Variants in ACO2 observed in about 807,000 individuals in gnomAD.
ACO2 encodes aconitate hydratase, mitochondrial.
Under a neutral mutation model 84.5 loss-of-function variants are expected in ACO2, and 31 were observed. The observed-to-expected ratio is 0.37, with a 90% CI of 0.28 to 0.50. ACO2 has a LOEUF of 0.50. Ranked by LOEUF, ACO2 falls within the 20% of genes least tolerant of loss-of-function variation. The pLI, the probability that ACO2 is intolerant of heterozygous loss-of-function variation, is 0.97. For synonymous variants in ACO2, 414 were observed against 412.7 expected (o/e 1.00, Z -0.04); for missense variants, 685 against 1,029.3 (o/e 0.67, Z 4.58).
chr22:41,475,764 G>A (rs1041059696), intron 1 of ACO2, among the ~76,000 whole-genome samples: 1 of 151,926 alleles, frequency 6.6e-6, no homozygotes, highest in African/African-American at 2.4e-5. Context: ...CAGTCGTGGT[G>A]GCGCATGCCT....
chr22:41,526,107 C>T, intron 14 of ACO2, 155 bp from the exon 15 acceptor site: 2 of 637,628 alleles, frequency 3.1e-6, no homozygotes, highest in South Asian at 2.0e-5. Context: ...GTGGAAGCAC[C>T]AGGACCACAG....
In ACO2 at chr22:41,507,878, G is replaced by A. The variant is rs748850283; in HGVS notation, c.261G>A (p.Ser87=). The A allele has an allele frequency of 1.2e-5, 20 of 1,614,130 alleles. No individual in the cohort carries two copies. The highest frequency in any genetic ancestry group is 1.7e-5 in the Admixed American group (1 of 60,006). The part of the protein sequence containing the change: ...PASQEIERGK[S]YLRLRPDRVA... ...GCCAGGAAATTGAGCGAGGCAAGTCGTACCTGCGGCTGCGGCCGGACCGTG... is the reference window on the plus strand; with the variant it reads ...GCCAGGAAATTGAGCGAGGCAAGTCATACCTGCGGCTGCGGCCGGACCGTG... The change falls in exon 3 of 18, where the codon TCG becomes TCA. Residue 87 remains serine (S), a synonymous_variant. Transcript: ENST00000216254.
In ACO2 at chr22:41,507,478, G is replaced by C. The variant is rs530745675; in HGVS notation, c.174-313G>C. 7.9e-5 allele frequency among the ~76,000 whole-genome samples: 12 copies of C among 152,310 alleles called. No individual in the cohort carries two copies. In the South Asian group the frequency reaches 2.5e-3, roughly 32 times the overall value. ...GAGATATGCATGTTGCGGGGACTTA[G>C]TAGGAATTACGATGCTGGGAAAGCC... On this transcript the variant is annotated intron_variant, in intron 2 of 17. Transcript: ENST00000216254.
At chr22:41,480,925 C>G (rs1289584570) in intron 1 of ACO2, among the ~76,000 whole-genome samples, 1 of 152,134 alleles carries the variant, frequency 6.6e-6, no homozygotes, top group African/African-American at 2.4e-5. Context: ...AAGCAATTCT[C>G]CCACCTCAGT....
intron 14 of ACO2, among the ~76,000 whole-genome samples, chr22:41,525,600 C>A (rs888374311): frequency 5.9e-5 from 9 of 152,214 alleles, no homozygotes; most frequent in Admixed American, 2.6e-4. Context: ...CCAGCAGCAG[C>A]TGATCAGAGC....
At chr22:41,493,383 A>G (rs1043382557) in intron 1 of ACO2, among the ~76,000 whole-genome samples, 1 of 152,132 alleles carries the variant, frequency 6.6e-6, no homozygotes, top group Non-Finnish European at 1.5e-5. Context: ...CAGGGTAAGC[A>G]TGTTGATATG....
At chr22:41,477,129 ATTATTTAT>A (rs141758153) in intron 1 of ACO2, among the ~76,000 whole-genome samples, 10,691 of 145,724 alleles carry the variant, frequency 0.073, 1,306 homozygotes, top group African/African-American at 0.26. Context: ...TGGTTTCCAT[ATTATTTAT>A]TTATTTATTT....
chr22:41,511,763 A>G, intron 3 of ACO2, 113 bp from the exon 4 acceptor site: 1 of 692,104 alleles, frequency 1.4e-6, no homozygotes, highest in Non-Finnish European at 2.4e-6. Flanking sequence ...GCCTGTCTCC[A>G]GTGCCAGTAT....
At chr22:41,493,994 G>A (rs1459772814) in intron 1 of ACO2, among the ~76,000 whole-genome samples, 1 of 152,200 alleles carries the variant, frequency 6.6e-6, no homozygotes, top group Non-Finnish European at 1.5e-5. Flanking sequence ...TGGAGACAGA[G>A]GTTGCAGTGA....
rs1357371076 is a variant in ACO2, at chr22:41,527,926, G to C, written c.2112G>C (p.Leu704=). 1.2e-6 allele frequency: 2 copies of C among 1,614,084 alleles called. No individual in the cohort carries two copies. The highest frequency in any genetic ancestry group is 1.7e-6 in the Non-Finnish European group (2 of 1,180,040). The part of the protein sequence containing the change: ...IHETNLKKQG[L]LPLTFADPAD... ...AGACCAACCTGAAGAAACAGGGCCT[G>C]CTGCCTCTGACCTTCGCTGACCCGG... The change falls in exon 17 of 18, where the codon CTG becomes CTC. Residue 704 remains leucine, a synonymous_variant. Coordinates refer to ENST00000216254, the MANE Select transcript of ACO2 (RefSeq NM_001098.3).
chr22:41,495,970 G>A (rs373942802), intron 1 of ACO2, among the ~76,000 whole-genome samples: 7 of 152,118 alleles, frequency 4.6e-5, no homozygotes, highest in African/African-American at 1.7e-4. Flanking sequence ...GAAACAGGTT[G>A]GTAATTTCAC....
At chr22:41,479,643 C>T (rs1170239458) in intron 1 of ACO2, among the ~76,000 whole-genome samples, 2 of 152,168 alleles carry the variant, frequency 1.3e-5, no homozygotes, top group Non-Finnish European at 2.9e-5. Flanking sequence ...GTCTCCTGCC[C>T]TAAACACCAG....
Position 41,524,000 on chromosome 22 carries a change from AGAG to A in ACO2, c.1482+67_1482+69del, listed in dbSNP as rs1166581362. On this transcript the variant is annotated intron_variant, in intron 12 of 17. Transcript: ENST00000216254. ...GGCCTCTGGGGGTCCCTGGCGGGTCAGAGGAGGAGGCAGAAGGAGATGGGGACT... is the reference window on the plus strand; with the variant it reads ...GGCCTCTGGGGGTCCCTGGCGGGTCAGAGGAGGCAGAAGGAGATGGGGACT... 4 of 1,486,924 alleles carry A rather than the reference AGAG, an allele frequency of 2.7e-6. No homozygotes were observed. In the South Asian group the frequency reaches 3.4e-5, roughly 13 times the overall value. 92.1% of individuals were successfully genotyped at this position (1,486,924 alleles called of 1,614,324 possible).
At chr22:41,522,115 TC>T (rs1383512144) in intron 9 of ACO2, among the ~76,000 whole-genome samples, 1 of 152,150 alleles carries the variant, frequency 6.6e-6, no homozygotes, top group Non-Finnish European at 1.5e-5. Flanking sequence ...GATCATTTGA[TC>T]CCAGGAGTTC....
chr22:41,527,611 C>G, intron 16 of ACO2, 191 bp downstream of exon 16: 1 of 883,068 alleles, frequency 1.1e-6, no homozygotes, highest in Non-Finnish European at 1.7e-6. Context: ...TTCCCGCAGG[C>G]CCTGCTTCCA....
At chr22:41,478,121 A>T (rs1253878595) in intron 1 of ACO2, among the ~76,000 whole-genome samples, 1 of 151,968 alleles carries the variant, frequency 6.6e-6, no homozygotes, top group Admixed American at 6.6e-5. Flanking sequence ...ATCTCCCCAG[A>T]TAGCAGGTAA....
At chr22:41,493,784 C>T (rs568187025) in intron 1 of ACO2, among the ~76,000 whole-genome samples, 36 of 151,962 alleles carry the variant, frequency 2.4e-4, no homozygotes, top group African/African-American at 7.0e-4. Flanking sequence ...AAAGGCCAGG[C>T]GCGGTGGCTC....
chr22:41,513,401 C>A (rs141860433), intron 4 of ACO2, among the ~76,000 whole-genome samples: 1 of 152,212 alleles, frequency 6.6e-6, no homozygotes, highest in African/African-American at 2.4e-5. Flanking sequence ...ACTTTCTTCC[C>A]GCCTTGATGT....
At chr22:41,478,771 T>C (rs933908478) in intron 1 of ACO2, among the ~76,000 whole-genome samples, 1 of 149,890 alleles carries the variant, frequency 6.7e-6, no homozygotes, top group East Asian at 1.9e-4. Flanking sequence ...CTTCTTTTTT[T>C]TTTTTTTTTT....
Sources: allele counts gnomAD v4.1 joint callset (sites outside exome capture counted in the v4.1 genomes callset), GRCh38; gene constraint gnomAD v4.1.1; transcripts MANE v1.5; gene names NCBI Gene and HGNC (gene_info 2026-07-23, HGNC 2026-07-21).